The following GLB1L2 variants were observed in gnomAD, a reference collection of about 807,000 sequenced individuals.
GLB1L2 encodes beta-galactosidase-1-like protein 2.
In GLB1L2, 68 loss-of-function variants were observed where a neutral mutation model predicts 84.1. The ratio of observed to expected loss-of-function variants is 0.81; its 90% CI spans 0.67 to 0.99. The LOEUF is 0.99. Among genes scored for constraint, GLB1L2 ranks in the 50% least tolerant of loss-of-function variants. The pLI is 0.00. For synonymous variants in GLB1L2, 290 were observed against 318.0 expected, an observed-to-expected ratio of 0.91 and a Z score of 0.94; for missense variants, 762 against 805.6, an observed-to-expected ratio of 0.95 and a Z score of 0.66.
intron 2 of GLB1L2, 125 bp downstream of exon 2, chr11:134,343,076 C>T (rs1943492766): frequency 1.1e-6 from 1 of 923,538 alleles, no homozygotes; most frequent in East Asian, 2.7e-5. Context: ...CAGGGTCTCC[C>T]TCCTCCTCCC....
intron 5 of GLB1L2, among the ~76,000 whole-genome samples, chr11:134,351,433 C>T (rs1392713516): frequency 6.6e-6 from 1 of 150,458 alleles, no homozygotes; most frequent in Non-Finnish European, 1.5e-5. Context: ...GCAACCTCCT[C>T]CTCCCAGGTT....
chr11:134,367,437 G>A, intron 9 of GLB1L2, 96 bp downstream of exon 9: 1 of 1,003,076 alleles, frequency 1.0e-6, no homozygotes, highest in African/African-American at 1.6e-5. Flanking sequence ...CATAGGGGGT[G>A]CAAGGCTGCT....
chr11:134,367,121 A>G (rs1165191155), intron 8 of GLB1L2, 136 bp from the exon 9 acceptor site: 3 of 799,368 alleles, frequency 3.8e-6, no homozygotes, highest in Non-Finnish European at 6.3e-6. Flanking sequence ...CCCACCTCCA[A>G]AGACCTCTAA....
chr11:134,363,597 C>T (rs773613765), intron 7 of GLB1L2, among the ~76,000 whole-genome samples: 1 of 152,194 alleles, frequency 6.6e-6, no homozygotes, highest in Non-Finnish European at 1.5e-5. Context: ...AAATTTTAAA[C>T]GGAACATGTT....
rs1003764370 is a variant in GLB1L2, at chr11:134,338,323, G to A, written c.87-4431G>A. ...GGGATGCCCGCTGGCATGGCAGGAC[G>A]CATTTCAAGCCTGGCACACTTCACT... On this transcript the variant is annotated intron_variant, in intron 1 of 18. Transcript: ENST00000535456. This position sits in a 1 kb window ranked among gnomAD's most constrained non-coding sequence, Gnocchi z 6.2. Among the ~76,000 whole-genome samples, 3 of 152,304 alleles carry A rather than the reference G, an allele frequency of 2.0e-5. No homozygotes were observed. Among genetic ancestry groups the A allele is most frequent in the Non-Finnish European group, 4.4e-5 (3 of 68,028 alleles).
chr11:134,368,139 A>G lies in GLB1L2; in HGVS notation c.890-505A>G, dbSNP rs928261113. On this transcript the variant is annotated intron_variant, in intron 9 of 18. Transcript: ENST00000535456. ...TTAATATTTGTCTACTCAGTACATC[A>G]TTGTTTAGTCTGCATTTCTTTGATT... Among the ~76,000 whole-genome samples, 9 of 152,224 alleles carry G rather than the reference A, an allele frequency of 5.9e-5. No homozygotes were observed. The East Asian group carries it at 1.3e-3, about 23-fold the overall frequency.
At chr11:134,373,935 G>T in intron 16 of GLB1L2, 127 bp downstream of exon 16, 1 of 792,128 alleles carries the variant, frequency 1.3e-6, no homozygotes. Flanking sequence ...GGCCAGATCG[G>T]CTGGCCGAGG....
At chr11:134,352,663 T>C (rs1255704407) in intron 5 of GLB1L2, among the ~76,000 whole-genome samples, 1 of 151,348 alleles carries the variant, frequency 6.6e-6, no homozygotes, top group Non-Finnish European at 1.5e-5. Flanking sequence ...TTTTTTTTTT[T>C]TGAGATGGAG....
At chr11:134,362,931 T>C (rs1943816239) in intron 7 of GLB1L2, among the ~76,000 whole-genome samples, 1 of 152,226 alleles carries the variant, frequency 6.6e-6, no homozygotes, top group African/African-American at 2.4e-5. Context: ...CCTGTGTCCT[T>C]CTCAGTGTTC....
intron 9 of GLB1L2, 29 bp downstream of exon 9, chr11:134,367,370 ATG>A: frequency 6.4e-7 from 1 of 1,574,090 alleles, no homozygotes; most frequent in Non-Finnish European, 8.7e-7. Flanking sequence ...TACATCCAGA[ATG>A]TGTGCTACTT....
At position 134,370,873 on chromosome 11, in the gene GLB1L2, A is replaced by C; in HGVS notation, c.1216-135A>C. 1 of 944,622 alleles carries C rather than the reference A, an allele frequency of 1.1e-6. No individual in the cohort carries two copies. The allele number at this position is 944,622 out of a possible 1,614,324, so 58.5% of individuals were successfully genotyped here. On this transcript the variant is annotated intron_variant, in intron 12 of 18. Transcript: ENST00000535456. This position sits in a 1 kb window ranked among gnomAD's most constrained non-coding sequence, Gnocchi z 4.7. ...CGTCACCCTGGAGAGTTGTATGTTT[A>C]GTGCAATGAGAAGTCAAAGTAGAAA...
In GLB1L2 at chr11:134,342,783, G is replaced by A. The variant is rs952786451; in HGVS notation, c.116G>A (p.Arg39Gln). The change falls in exon 2 of 19, where the codon CGG becomes CAG. Residue 39 changes from arginine to glutamine, a missense_variant. This residue lies in a region of GLB1L2 where 100 missense variants were observed against 88.8 expected (regional missense o/e 1.13). Coordinates refer to ENST00000535456, the MANE Select transcript of GLB1L2 (RefSeq NM_001370461.1). ...RLDWSTLVPLRLRHRQLGLQA... is the reference protein window; with the variant it reads ...RLDWSTLVPLQLRHRQLGLQA... ...GACTGGAGCACCCTGGTCCCTCTGC[G>A]GCTCCGCCATCGACAGCTGGGGCTG... The A allele has an allele frequency of 6.2e-7, 1 of 1,613,970 alleles. No individual in the cohort carries two copies. Among genetic ancestry groups the A allele is most frequent in the Admixed American group, 1.7e-5 (1 of 60,028 alleles).
rs867762009 is a variant in GLB1L2 at position 134,332,127 on chromosome 11, G to A, written c.66G>A (p.Leu22=). The change falls in exon 1 of 19, where the codon TTG becomes TTA. Residue 22 remains leucine, a synonymous_variant. Coordinates refer to ENST00000535456, the MANE Select transcript of GLB1L2 (RefSeq NM_001370461.1). ...RTLGLLLLVV[L]GFLVLRRLDW... is the part of the protein sequence containing the mutation. The stretch of plus-strand genomic sequence containing the variant: ...TGGGACTCCTGCTGCTGGTCGTCTT[G>A]GGCTTCCTGGTGCTCCGCAGGTGAG... 1 of 1,582,774 alleles carries A rather than the reference G, an allele frequency of 6.3e-7. No individual in the cohort carries two copies. Among genetic ancestry groups the A allele is most frequent in the Non-Finnish European group, 8.6e-7 (1 of 1,166,226 alleles).
At chr11:134,364,255 G>A in intron 7 of GLB1L2, 73 bp from the exon 8 acceptor site, 1 of 1,190,872 alleles carries the variant, frequency 8.4e-7, no homozygotes, top group South Asian at 1.3e-5. Flanking sequence ...ATTGAGAAGG[G>A]TCTGGGGTCA....
intron 5 of GLB1L2, among the ~76,000 whole-genome samples, chr11:134,354,428 TATAATA>T (rs1295999174): frequency 6.6e-6 from 1 of 152,000 alleles, no homozygotes; most frequent in Non-Finnish European, 1.5e-5. Flanking sequence ...AAAGAAAAAT[TATAATA>T]ATATTTTTAT....
chr11:134,367,293 G>C lies in GLB1L2; in HGVS notation c.841G>C (p.Gly281Arg). Residue 281 changes from glycine (G) to arginine (R), a missense_variant, in exon 9 of 19, where the codon GGG (glycine) becomes CGG (arginine). By Grantham distance (125) the Gly-to-Arg change is moderately radical. Around this residue, in one of 3 missense-constraint regions of GLB1L2, gnomAD observed 603 missense variants for 611.7 expected, o/e 0.99. Coordinates refer to ENST00000535456, the MANE Select transcript of GLB1L2 (RefSeq NM_001370461.1). ...CAAGATGGTGATGGAGTACTGGACGGGGTGGTTTGACTCGTGGGGAGGCCC... is the reference window on the plus strand; with the variant it reads ...CAAGATGGTGATGGAGTACTGGACGCGGTGGTTTGACTCGTGGGGAGGCCC... ...QPKMVMEYWT[G>R]WFDSWGGPHN... 3 of 1,614,170 alleles carry C rather than the reference G, an allele frequency of 1.9e-6. No individual in the cohort carries two copies. Among genetic ancestry groups the C allele is most frequent in the Non-Finnish European group, 2.5e-6 (3 of 1,180,032 alleles).
In GLB1L2 at chr11:134,364,328, T is replaced by C; in HGVS notation, c.734T>C (p.Val245Ala). The change falls in exon 8 of 19, where the codon GTC becomes GCC. Residue 245 changes from valine (V) to alanine (A), a missense_variant and splice_region_variant. Transcript: ENST00000535456. ...DGLSKGIVQG[V>A]LATINLQSTH... Reference sequence around the variant, plus strand: ...CTCTCTCTCCTCTTCCCTTTAACAGTCTTGGCCACCATCAACTTGCAGTCA... The same window carrying C: ...CTCTCTCTCCTCTTCCCTTTAACAGCCTTGGCCACCATCAACTTGCAGTCA... 6.2e-7 allele frequency: 1 copy of C among 1,613,418 alleles called. No homozygotes were observed. Among genetic ancestry groups the C allele is most frequent in the Non-Finnish European group, 8.5e-7 (1 of 1,179,492 alleles).
At chr11:134,374,361 GC>G in intron 17 of GLB1L2, 105 bp downstream of exon 17, 1 of 1,001,046 alleles carries the variant, frequency 1.0e-6, no homozygotes, top group Non-Finnish European at 1.6e-6. Context: ...TGGCTTCTGT[GC>G]CCAGAGGGTC....
In GLB1L2 at chr11:134,374,059, C is replaced by T. The variant is rs7122878; in HGVS notation, c.1596-86C>T. The T allele has an allele frequency of 4.3e-4, 419 of 984,644 alleles. 2 individuals carry two copies. The African/African-American group carries it at 5.7e-3, about 14-fold the overall frequency. 61.0% of individuals were successfully genotyped at this position (984,644 alleles called of 1,614,324 possible). ...AGGCGGGGGGCCTTGGATGGGGAAA[C>T]GGTGTCAGGGCCTTTTATTTTGCTT... is the stretch of plus-strand genomic sequence containing the variant. On this transcript the variant is annotated intron_variant, in intron 16 of 18. Transcript: ENST00000535456.
Sources: allele counts gnomAD v4.1 joint callset (sites outside exome capture counted in the v4.1 genomes callset), GRCh38; gene constraint gnomAD v4.1.1; regional missense constraint gnomAD v4.1.1; non-coding constraint Gnocchi (gnomAD v3.1); transcripts MANE v1.5; gene names NCBI Gene and HGNC (gene_info 2026-07-23, HGNC 2026-07-21).